Variants in B3GAT2 observed in about 807,000 individuals in gnomAD.
The protein encoded by B3GAT2 is galactosylgalactosylxylosylprotein 3-beta-glucuronosyltransferase 2.
In B3GAT2, 26 loss-of-function variants were observed where a neutral mutation model predicts 27.8. The observed-to-expected ratio is 0.93, with a 90% CI of 0.68 to 1.30. The LOEUF (loss-of-function observed/expected upper bound fraction) is 1.30, where lower values mean the gene tolerates loss of function less well. B3GAT2 is among the 50% of genes most tolerant of loss of function. The pLI, the probability that B3GAT2 is intolerant of heterozygous loss-of-function variation, is 0.00. For synonymous variants in B3GAT2, 218 were observed against 195.1 expected (o/e 1.12, Z -0.98); for missense variants, 458 against 459.0 (o/e 1.00, Z 0.02).
intron 1 of B3GAT2, among the ~76,000 whole-genome samples, chr6:70,914,281 C>T (rs1317664374): frequency 2.6e-5 from 4 of 152,154 alleles, no homozygotes; most frequent in Admixed American, 1.3e-4. Context: ...ACCTCTCCCC[C>T]AGTCCCCCAC....
intron 2 of B3GAT2, among the ~76,000 whole-genome samples, chr6:70,871,451 T>G (rs956281047): frequency 4.0e-5 from 6 of 151,892 alleles, no homozygotes; most frequent in African/African-American, 1.4e-4. Flanking sequence ...CCTATTTAGA[T>G]TTTTTTGAGA....
chr6:70,875,616 T>A (rs1321512851), intron 2 of B3GAT2, among the ~76,000 whole-genome samples: 1 of 152,222 alleles, frequency 6.6e-6, no homozygotes, highest in Non-Finnish European at 1.5e-5. Flanking sequence ...TTACTTCCAA[T>A]TATAATTTAG....
At position 70,857,568 on chromosome 6, in the gene B3GAT2, C is replaced by G. The variant is rs924487077; in HGVS notation, c.*4095G>C. On this transcript the variant is annotated 3_prime_UTR_variant, in exon 4 of 4. Coordinates refer to ENST00000230053, the MANE Select transcript of B3GAT2 (RefSeq NM_080742.3). ...CTATTGAAGCGAGATATAGTCAGCT[C>G]TCACTTCCCTGTTTCGTACTGGGGG... The G allele has an allele frequency of 4.2e-6, 1 of 237,554 alleles. No individual in the cohort carries two copies. The highest frequency in any genetic ancestry group is 2.3e-5 in the African/African-American group (1 of 43,880). 14.7% of individuals were successfully genotyped at this position (237,554 alleles called of 1,614,324 possible).
chr6:70,948,628 A>C (rs1479462943), intron 1 of B3GAT2, among the ~76,000 whole-genome samples: 2 of 151,542 alleles, frequency 1.3e-5, no homozygotes, highest in Non-Finnish European at 3.0e-5. Flanking sequence ...GGTAGGAAGA[A>C]TCAATATCGT....
chr6:70,926,552 G>A (rs1274488267), intron 1 of B3GAT2, among the ~76,000 whole-genome samples: 1 of 152,132 alleles, frequency 6.6e-6, no homozygotes, highest in Admixed American at 6.5e-5. Flanking sequence ...TAGCTGACTC[G>A]ATCAACTGGA....
At chr6:70,872,384 T>A (rs1562214758) in intron 2 of B3GAT2, among the ~76,000 whole-genome samples, 1 of 151,954 alleles carries the variant, frequency 6.6e-6, no homozygotes, top group Non-Finnish European at 1.5e-5. Flanking sequence ...GTCACGTATA[T>A]GTTTATAGTT....
Position 70,858,157 on chromosome 6 carries a change from G to T in B3GAT2, c.*3506C>A. 2 of 1,613,986 alleles carry T rather than the reference G, an allele frequency of 1.2e-6. No individual in the cohort carries two copies. The highest frequency in any genetic ancestry group is 1.7e-6 in the Non-Finnish European group (2 of 1,179,972). Reference sequence around the variant, plus strand: ...TTGTTGGCCCCCAAGGAGGAATGGTGGGACAAATGGGTGCACCCCAGAGTA... The same window carrying T: ...TTGTTGGCCCCCAAGGAGGAATGGTTGGACAAATGGGTGCACCCCAGAGTA... On this transcript the variant is annotated 3_prime_UTR_variant, in exon 4 of 4. Coordinates refer to ENST00000230053, the MANE Select transcript of B3GAT2 (RefSeq NM_080742.3).
chr6:70,894,277 A>C lies in B3GAT2; in HGVS notation c.592-5T>G, dbSNP rs2150031656. ...GACCTTGCGGGTGGTTCGCATCTAT[A>C]AAAAGGGAAAAGACATGTGTTTTAA... On this transcript the variant is annotated splice_polypyrimidine_tract_variant and splice_region_variant and intron_variant, in intron 1 of 3. Coordinates refer to ENST00000230053, the MANE Select transcript of B3GAT2 (RefSeq NM_080742.3). The C allele has an allele frequency of 6.4e-7, 1 of 1,569,742 alleles. No individual in the cohort carries two copies. The highest frequency in any genetic ancestry group is 8.6e-7 in the Non-Finnish European group (1 of 1,158,116).
intron 2 of B3GAT2, among the ~76,000 whole-genome samples, chr6:70,870,178 T>C (rs1562214051): frequency 6.6e-6 from 1 of 151,948 alleles, no homozygotes; most frequent in East Asian, 1.9e-4. Flanking sequence ...TAAGAAAATG[T>C]GGCACATATA....
chr6:70,869,382 T>C (rs761468183), intron 2 of B3GAT2, among the ~76,000 whole-genome samples: 4 of 152,188 alleles, frequency 2.6e-5, no homozygotes, highest in Non-Finnish European at 4.4e-5. Flanking sequence ...TCTTTCTGAG[T>C]TCATCACTTT....
rs76029627 is a variant in B3GAT2 at position 70,861,992 on chromosome 6, A to T, written c.737-14T>A. 4.1e-5 allele frequency: 21 copies of T among 518,382 alleles called. No individual in the cohort carries two copies. The highest frequency in any genetic ancestry group is 5.2e-5 in the Non-Finnish European group (19 of 362,256). 32.1% of individuals were successfully genotyped at this position (518,382 alleles called of 1,614,324 possible). A position where few individuals can be genotyped will look rare whatever the true frequency, so the allele number is the denominator to read the frequency against. On this transcript the variant is annotated splice_polypyrimidine_tract_variant and intron_variant, in intron 2 of 3. Coordinates refer to ENST00000230053, the MANE Select transcript of B3GAT2 (RefSeq NM_080742.3). ...TTACAGCAAATCCTTTGTGAAAAAT[A>T]AAAAAAAAAAAGAGACTTTAAAATC...
chr6:70,893,330 T>G (rs1772322899), intron 2 of B3GAT2, among the ~76,000 whole-genome samples: 1 of 152,096 alleles, frequency 6.6e-6, no homozygotes, highest in Admixed American at 6.5e-5. Context: ...AGAGCTGTGC[T>G]TCAGAGCTCA....
intron 2 of B3GAT2, among the ~76,000 whole-genome samples, chr6:70,872,507 T>C (rs1771953589): frequency 1.6e-5 from 1 of 64,354 alleles, no homozygotes; most frequent in Non-Finnish European, 4.5e-5. Context: ...TCCCGTTCTT[T>C]TTTTTTTTTT....
intron 1 of B3GAT2, among the ~76,000 whole-genome samples, chr6:70,898,963 AAAAT>A (rs138877861): frequency 0.14 from 20,519 of 149,516 alleles, 2,115 homozygotes; most frequent in African/African-American, 0.3. Flanking sequence ...ACCCTGGCTC[AAAAT>A]AAATAAATAA....
intron 1 of B3GAT2, among the ~76,000 whole-genome samples, chr6:70,935,908 A>C (rs1187925295): frequency 1.3e-5 from 2 of 151,876 alleles, no homozygotes; most frequent in Non-Finnish European, 2.9e-5. Context: ...AACAATATTA[A>C]CTTTAAATGT....
intron 1 of B3GAT2, among the ~76,000 whole-genome samples, chr6:70,925,376 C>G (rs962109522): frequency 6.6e-6 from 1 of 152,204 alleles, no homozygotes; most frequent in Non-Finnish European, 1.5e-5. Flanking sequence ...CACAAGGGGT[C>G]AGGGAATTCC....
At chr6:70,949,531 A>G (rs1455107672) in intron 1 of B3GAT2, among the ~76,000 whole-genome samples, 2 of 145,364 alleles carry the variant, frequency 1.4e-5, no homozygotes, top group Admixed American at 6.9e-5. Flanking sequence ...TTAGAATGGC[A>G]ATCATTAAAA....
intron 1 of B3GAT2, among the ~76,000 whole-genome samples, chr6:70,928,207 C>T (rs1393146650): frequency 6.6e-6 from 1 of 151,926 alleles, no homozygotes; most frequent in Non-Finnish European, 1.5e-5. Context: ...AAATTTATAG[C>T]ACTAAATGCC....
At position 70,956,499 on chromosome 6, in the gene B3GAT2, G is replaced by C. The variant is rs1582407399; in HGVS notation, c.-70C>G. ...CCGAGGGACCCCAGTGCGCAGCTTGGACAGCGGCGGCGCCAGCACTTAGGG... is the reference window on the plus strand; with the variant it reads ...CCGAGGGACCCCAGTGCGCAGCTTGCACAGCGGCGGCGCCAGCACTTAGGG... On this transcript the variant is annotated 5_prime_UTR_variant, in exon 1 of 4. Transcript: ENST00000230053. 2.4e-5 allele frequency: 37 copies of C among 1,543,986 alleles called. No individual in the cohort carries two copies. The East Asian group carries it at 7.3e-4, about 31-fold the overall frequency.
Sources: gnomAD v4.1 joint callset for allele counts (sites outside exome capture counted in the v4.1 genomes callset) on GRCh38, gnomAD v4.1.1 for gene constraint, MANE v1.5 for transcripts, NCBI Gene and HGNC (gene_info 2026-07-23, HGNC 2026-07-21) for gene names.